The following PCSK2 variants were observed in gnomAD, a reference collection of about 807,000 sequenced individuals.
PCSK2 encodes proprotein convertase subtilisin/kexin type 2.
A neutral mutation model predicts 69.7 loss-of-function variants in PCSK2; 14 were observed. The ratio of observed to expected loss-of-function variants is 0.20; its 90% confidence interval spans 0.13 to 0.31. The LOEUF (loss-of-function observed/expected upper bound fraction) is 0.31. Among genes scored for constraint, PCSK2 ranks in the 10% least tolerant of loss-of-function variants. PCSK2 has a pLI of 1.00. For missense variants in PCSK2, 544 were observed against 842.5 expected, an observed-to-expected ratio of 0.65 and a Z score of 4.39; for synonymous variants, 307 against 320.7, an observed-to-expected ratio of 0.96 and a Z score of 0.46.
chr20:17,456,594 C>G (rs2032927321), intron 10 of PCSK2, 146 bp downstream of exon 10: 1 of 617,984 alleles, frequency 1.6e-6, no homozygotes, highest in Non-Finnish European at 2.9e-6. Flanking sequence ...CTGTGCATTT[C>G]TAAGTGGCCC....
intron 5 of PCSK2, among the ~76,000 whole-genome samples, chr20:17,406,108 C>T (rs1179650441): frequency 6.6e-6 from 1 of 152,166 alleles, no homozygotes; most frequent in Admixed American, 6.5e-5. Flanking sequence ...TTAAATTCAC[C>T]AAACACCACC....
At chr20:17,301,437 A>G (rs1293630737) in intron 2 of PCSK2, among the ~76,000 whole-genome samples, 2 of 152,214 alleles carry the variant, frequency 1.3e-5, no homozygotes, top group Non-Finnish European at 2.9e-5. Flanking sequence ...TTCCATATAC[A>G]TAATTTTAAA....
intron 2 of PCSK2, among the ~76,000 whole-genome samples, chr20:17,333,221 AAG>A (rs1990248596): frequency 6.6e-6 from 1 of 152,228 alleles, no homozygotes; most frequent in South Asian, 2.1e-4. Context: ...TGTGTAGAAA[AAG>A]AATGATAAAG....
At chr20:17,269,036 G>C (rs1600430256) in intron 2 of PCSK2, among the ~76,000 whole-genome samples, 1 of 152,318 alleles carries the variant, frequency 6.6e-6, no homozygotes, top group East Asian at 1.9e-4. Context: ...TATGCATATG[G>C]ACAAGATGGT....
At chr20:17,308,599 C>T (rs1773569084) in intron 2 of PCSK2, among the ~76,000 whole-genome samples, 1 of 152,140 alleles carries the variant, frequency 6.6e-6, no homozygotes, top group Non-Finnish European at 1.5e-5. Context: ...GCATAATAAG[C>T]CATCCCACAA....
chr20:17,288,741 C>G (rs1470145779), intron 2 of PCSK2, among the ~76,000 whole-genome samples: 1 of 152,332 alleles, frequency 6.6e-6, no homozygotes, highest in South Asian at 2.1e-4. Flanking sequence ...AACCCACAGA[C>G]AGCAGTGTGA....
intron 2 of PCSK2, among the ~76,000 whole-genome samples, chr20:17,313,801 T>A (rs1295209224): frequency 6.6e-6 from 1 of 152,104 alleles, no homozygotes; most frequent in Non-Finnish European, 1.5e-5. Flanking sequence ...AAGATAAGAG[T>A]AGTTGTTTGT....
intron 7 of PCSK2, 137 bp downstream of exon 7, chr20:17,429,660 TC>T: frequency 1.8e-6 from 1 of 557,750 alleles, no homozygotes; most frequent in Non-Finnish European, 3.2e-6. Context: ...AAAATTTTTT[TC>T]TTTTAACCTG....
intron 1 of PCSK2, among the ~76,000 whole-genome samples, chr20:17,235,609 G>C (rs539301623): frequency 6.6e-6 from 1 of 152,228 alleles, no homozygotes; most frequent in South Asian, 2.1e-4. Flanking sequence ...GGAATATTTG[G>C]GTTTCACTCT....
chr20:17,402,519 C>T (rs1011855416), intron 5 of PCSK2, among the ~76,000 whole-genome samples: 1 of 151,912 alleles, frequency 6.6e-6, no homozygotes, highest in Non-Finnish European at 1.5e-5. Context: ...AAAAATTAGC[C>T]AGGCATGGTG....
chr20:17,252,926 A>G (rs1302817464), intron 1 of PCSK2, among the ~76,000 whole-genome samples: 1 of 152,246 alleles, frequency 6.6e-6, no homozygotes, highest in Admixed American at 6.5e-5. Flanking sequence ...TTTTGCCTAT[A>G]AATTGGCTGC....
chr20:17,391,906 G>GAGGAAGGA (rs145258467), intron 5 of PCSK2, among the ~76,000 whole-genome samples: 4,689 of 99,956 alleles, frequency 0.047, 215 homozygotes, highest in Middle Eastern at 0.096. Context: ...GAAAGAGAGA[G>GAGGAAGGA]AGGAAGGAAG....
Position 17,291,244 on chromosome 20 carries a change from T to C in PCSK2, c.282+30900T>C, listed in dbSNP as rs143498382. On this transcript the variant is annotated intron_variant, in intron 2 of 11. Coordinates refer to ENST00000262545, the MANE Select transcript of PCSK2 (RefSeq NM_002594.5). ...ATACAACCTTCTTGAGCCTCTTTTA[T>C]GTATATACAAAATATGCATATATAT... Among the ~76,000 whole-genome samples the C allele has an allele frequency of 9.7e-3, 1,476 of 152,306 alleles. 18 individuals carry two copies. Among genetic ancestry groups the C allele is most frequent in the African/African-American group, 0.033 (1,368 of 41,550 alleles).
At chr20:17,452,458 G>A (rs2032844293) in intron 8 of PCSK2, among the ~76,000 whole-genome samples, 1 of 152,198 alleles carries the variant, frequency 6.6e-6, no homozygotes, top group Non-Finnish European at 1.5e-5. Flanking sequence ...ACATCTGATT[G>A]TCAGGCGGCA....
Position 17,453,078 on chromosome 20 carries a change from T to C in PCSK2, c.886-664T>C, listed in dbSNP as rs1244426069. Among the ~76,000 whole-genome samples, 1 of 152,226 alleles carries C rather than the reference T, an allele frequency of 6.6e-6. No homozygotes were observed. Among genetic ancestry groups the C allele is most frequent in the Non-Finnish European group, 1.5e-5 (1 of 68,038 alleles). The stretch of plus-strand genomic sequence containing the variant: ...TGCTCAAGTAAAATGTCATATATTA[T>C]GTGTTTAAAAGGATTCTAGTATCCA... On this transcript the variant is annotated intron_variant, in intron 8 of 11. Transcript: ENST00000262545. The surrounding 1 kb of genome is among the most constrained non-coding windows in gnomAD (Gnocchi z 4.0).
In PCSK2 at chr20:17,423,479, G is replaced by T. The variant is rs193076313; in HGVS notation, c.621-5956G>T. On this transcript the variant is annotated intron_variant, in intron 6 of 11. Transcript: ENST00000262545. Reference sequence around the variant, plus strand: ...ATGATTCCTGTTCAGACCTTTAAAAGGTGCTAGACTCTCAGCTAATCTCTC... The same window carrying T: ...ATGATTCCTGTTCAGACCTTTAAAATGTGCTAGACTCTCAGCTAATCTCTC... 3.2e-3 allele frequency among the ~76,000 whole-genome samples: 482 copies of T among 152,264 alleles called. 6 individuals are homozygous for T. Among genetic ancestry groups the T allele is most frequent in the Middle Eastern group, 0.031 (9 of 294 alleles).
At chr20:17,285,324 T>C (rs1335573070) in intron 2 of PCSK2, among the ~76,000 whole-genome samples, 1 of 152,200 alleles carries the variant, frequency 6.6e-6, no homozygotes, top group Non-Finnish European at 1.5e-5. Flanking sequence ...AGGCTACTTA[T>C]TTTGTGTAAG....
At chr20:17,284,377 G>A (rs556984071) in intron 2 of PCSK2, among the ~76,000 whole-genome samples, 1 of 152,246 alleles carries the variant, frequency 6.6e-6, no homozygotes, top group Admixed American at 6.5e-5. Context: ...GCACACTATT[G>A]GCAATGGCTT....
Position 17,377,201 on chromosome 20 carries a change from G to C in PCSK2, c.543+7924G>C, listed in dbSNP as rs1030516845. 2.0e-5 allele frequency among the ~76,000 whole-genome samples: 3 copies of C among 152,340 alleles called. No homozygotes were observed. In the East Asian group the frequency reaches 5.8e-4, roughly 29 times the overall value. The stretch of plus-strand genomic sequence containing the variant: ...AATGCAATTAGGTTCCTAGATAGGA[G>C]AGGACAAATTATGTTCTTTGGTTCC... On this transcript the variant is annotated intron_variant, in intron 5 of 11. Coordinates refer to ENST00000262545, the MANE Select transcript of PCSK2 (RefSeq NM_002594.5).
Sources: gnomAD v4.1 joint callset for allele counts (sites outside exome capture counted in the v4.1 genomes callset) on GRCh38, gnomAD v4.1.1 for gene constraint, Gnocchi (gnomAD v3.1) non-coding constraint, MANE v1.5 for transcripts, NCBI Gene and HGNC (gene_info 2026-07-23, HGNC 2026-07-21) for gene names.